GALNTL6: variants seen among roughly 807,000 people sequenced by gnomAD.
GALNTL6 encodes polypeptide N-acetylgalactosaminyltransferase like 6.
A neutral mutation model predicts 73.7 loss-of-function variants in GALNTL6; 46 were observed. The ratio of observed to expected loss-of-function variants is 0.62; its 90% CI spans 0.49 to 0.80. The LOEUF (loss-of-function observed/expected upper bound fraction) is 0.80. Ranked by LOEUF, GALNTL6 falls within the 30% of genes least tolerant of loss-of-function variation. The probability of loss-of-function intolerance (pLI) is 0.00; values close to 1 mark genes in which losing one functional copy is unlikely to be tolerated. For synonymous variants in GALNTL6, 259 were observed against 263.7 expected (o/e 0.98, Z 0.17); for missense variants, 604 against 755.0 (o/e 0.80, Z 2.34).
intron 2 of GALNTL6, among the ~76,000 whole-genome samples, chr4:172,121,457 T>C (rs1733149268): frequency 6.6e-6 from 1 of 152,150 alleles, no homozygotes; most frequent in Admixed American, 6.5e-5. Context: ...TCTTACAGCT[T>C]TCAGACATTT....
intron 5 of GALNTL6, among the ~76,000 whole-genome samples, chr4:172,670,022 G>A (rs1159238306): frequency 1.3e-5 from 2 of 152,196 alleles, no homozygotes; most frequent in Admixed American, 6.5e-5. Context: ...TTGCTGCGTA[G>A]CATTCCATGG....
Position 172,901,056 on chromosome 4 carries a change from G to A in GALNTL6, c.1041+18149G>A, listed in dbSNP as rs547949706. 7.2e-5 allele frequency among the ~76,000 whole-genome samples: 11 copies of A among 152,182 alleles called. No individual in the cohort carries two copies. In the East Asian group the frequency reaches 1.2e-3, roughly 16 times the overall value. ...GATATAATTGGAATGCAGCCCTATC[G>A]TTTTTGTCTAGAAACCATGGCAACA... is the stretch of plus-strand genomic sequence containing the variant. On this transcript the variant is annotated intron_variant, in intron 8 of 12. Coordinates refer to ENST00000506823, the MANE Select transcript of GALNTL6 (RefSeq NM_001034845.3).
intron 5 of GALNTL6, among the ~76,000 whole-genome samples, chr4:172,710,098 T>C (rs1291314188): frequency 6.6e-6 from 1 of 152,172 alleles, no homozygotes; most frequent in Non-Finnish European, 1.5e-5. Flanking sequence ...AATAGATACA[T>C]TAAAACTCAT....
chr4:172,388,085 T>A (rs1209339883), intron 5 of GALNTL6, among the ~76,000 whole-genome samples: 1 of 152,134 alleles, frequency 6.6e-6, no homozygotes, highest in Non-Finnish European at 1.5e-5. Flanking sequence ...GTTTTTTACT[T>A]CTCCTAACAA....
chr4:172,738,549 G>T (rs1736601071), intron 5 of GALNTL6, among the ~76,000 whole-genome samples: 1 of 152,012 alleles, frequency 6.6e-6, no homozygotes, highest in South Asian at 2.1e-4. Context: ...CATGCTAAAT[G>T]ATTTTTAATG....
At chr4:172,450,086 A>G (rs1206328111) in intron 5 of GALNTL6, among the ~76,000 whole-genome samples, 2 of 151,858 alleles carry the variant, frequency 1.3e-5, no homozygotes, top group Non-Finnish European at 2.9e-5. Context: ...GTGTGGTGGT[A>G]CACACCTGTA....
At chr4:172,942,904 C>G (rs1051588798) in intron 9 of GALNTL6, among the ~76,000 whole-genome samples, 1 of 152,104 alleles carries the variant, frequency 6.6e-6, no homozygotes, top group Admixed American at 6.5e-5. Flanking sequence ...ACACAAATGA[C>G]CTGTGTTTCT....
Position 172,288,332 on chromosome 4 carries a change from C to G in GALNTL6, c.248-23282C>G, listed in dbSNP as rs527469365. 9.9e-5 allele frequency among the ~76,000 whole-genome samples: 15 copies of G among 152,204 alleles called. No homozygotes were observed. In the South Asian group the frequency reaches 2.9e-3, roughly 29 times the overall value. ...GGTCTCGATCTCCTGACCTCGTGAT[C>G]CGCCTGCCTCGGCCTCCCAAAGTGC... On this transcript the variant is annotated intron_variant, in intron 3 of 12. Coordinates refer to ENST00000506823, the MANE Select transcript of GALNTL6 (RefSeq NM_001034845.3).
intron 5 of GALNTL6, among the ~76,000 whole-genome samples, chr4:172,514,198 A>G (rs1401772511): frequency 1.3e-5 from 2 of 152,182 alleles, no homozygotes; most frequent in African/African-American, 4.8e-5. Flanking sequence ...TTCTACTATC[A>G]GGGTGGGTAC....
intron 7 of GALNTL6, among the ~76,000 whole-genome samples, chr4:172,849,079 TAAC>T (rs1446312688): frequency 1.3e-5 from 2 of 152,140 alleles, no homozygotes; most frequent in Non-Finnish European, 2.9e-5. Context: ...GAAAAAACGT[TAAC>T]AAGTTGAATT....
chr4:172,218,583 C>T (rs1462877079), intron 2 of GALNTL6, among the ~76,000 whole-genome samples: 2 of 152,026 alleles, frequency 1.3e-5, no homozygotes, highest in Non-Finnish European at 2.9e-5. Flanking sequence ...TCATATCTTT[C>T]TAAAATTCTG....
chr4:172,565,180 T>G (rs1736512367), intron 5 of GALNTL6, among the ~76,000 whole-genome samples: 1 of 152,192 alleles, frequency 6.6e-6, no homozygotes, highest in African/African-American at 2.4e-5. Context: ...CTTAATCATT[T>G]CCCAAAAGGC....
chr4:172,763,581 C>A (rs1738239623), intron 5 of GALNTL6, among the ~76,000 whole-genome samples: 1 of 152,178 alleles, frequency 6.6e-6, no homozygotes, highest in Admixed American at 6.5e-5. Flanking sequence ...GTATAAACAT[C>A]TTTCAAAAGC....
intron 4 of GALNTL6, among the ~76,000 whole-genome samples, chr4:172,333,915 T>G (rs1006999639): frequency 5.9e-5 from 9 of 152,204 alleles, no homozygotes; most frequent in African/African-American, 1.9e-4. Flanking sequence ...GGCTACCCAA[T>G]TTTCCCAGCA....
rs528541426 is a variant in GALNTL6 at position 172,746,708 on chromosome 4, G to A, written c.554-62653G>A. Among the ~76,000 whole-genome samples the A allele has an allele frequency of 1.3e-3, 200 of 152,038 alleles. 1 individual carries two copies. The highest frequency in any genetic ancestry group is 2.4e-3 in the Non-Finnish European group (161 of 67,918). On this transcript the variant is annotated intron_variant, in intron 5 of 12. Coordinates refer to ENST00000506823, the MANE Select transcript of GALNTL6 (RefSeq NM_001034845.3). ...AAAAGGAATGCTCCTTAATATAACAGAGGCCATATATGGCAAACCCACAGC... is the reference window on the plus strand; with the variant it reads ...AAAAGGAATGCTCCTTAATATAACAAAGGCCATATATGGCAAACCCACAGC...
intron 2 of GALNTL6, among the ~76,000 whole-genome samples, chr4:172,117,504 T>G (rs1295167913): frequency 6.6e-6 from 1 of 152,192 alleles, no homozygotes; most frequent in East Asian, 1.9e-4. Flanking sequence ...TCAGGACATC[T>G]ACGTTTGTTT....
chr4:172,691,868 C>T lies in GALNTL6; in HGVS notation c.554-117493C>T, dbSNP rs539457408. Among the ~76,000 whole-genome samples, 84 of 152,288 alleles carry T rather than the reference C, an allele frequency of 5.5e-4. 1 individual carries two copies. The highest frequency in any genetic ancestry group is 1.9e-3 in the African/African-American group (80 of 41,560). Reference sequence around the variant, plus strand: ...GCAAGACAATCTAAATTATTGTGTGCACCCAATTTGATAAAACTTTAAAAA... The same window carrying T: ...GCAAGACAATCTAAATTATTGTGTGTACCCAATTTGATAAAACTTTAAAAA... On this transcript the variant is annotated intron_variant, in intron 5 of 12. Coordinates refer to ENST00000506823, the MANE Select transcript of GALNTL6 (RefSeq NM_001034845.3).
intron 2 of GALNTL6, among the ~76,000 whole-genome samples, chr4:171,958,446 T>C (rs1196238736): frequency 1.3e-5 from 2 of 152,170 alleles, no homozygotes; most frequent in East Asian, 1.9e-4. Flanking sequence ...ATTTTTGTTT[T>C]TTTAACATGT....
At chr4:172,279,054 A>G (rs1738938164) in intron 3 of GALNTL6, among the ~76,000 whole-genome samples, 1 of 152,196 alleles carries the variant, frequency 6.6e-6, no homozygotes, top group Non-Finnish European at 1.5e-5. Flanking sequence ...TGCACCATAT[A>G]TAAAAATTAA....
Sources: allele counts gnomAD v4.1 joint callset (sites outside exome capture counted in the v4.1 genomes callset), GRCh38; gene constraint gnomAD v4.1.1; transcripts MANE v1.5; gene names NCBI Gene and HGNC (gene_info 2026-07-23, HGNC 2026-07-21).